The following SAMTOR variants were observed in gnomAD, a reference collection of about 807,000 sequenced individuals.
The protein encoded by SAMTOR is UPF0532 protein C7orf60.
At chr7:112,888,545 A>G in the SAMTOR span, among the ~76,000 whole-genome samples, 1 of 152,126 alleles carries the variant, frequency 6.6e-6, no homozygotes, top group South Asian at 2.1e-4. Context: ...CACATATTCA[A>G]AAAGTGCCAT....
chr7:112,868,760 C>A, the SAMTOR span, among the ~76,000 whole-genome samples: 1 of 152,204 alleles, frequency 6.6e-6, no homozygotes, highest in Non-Finnish European at 1.5e-5. Flanking sequence ...CAGCCAGAAT[C>A]AGGCAGTGAG....
At chr7:112,880,517 T>G in the SAMTOR span, among the ~76,000 whole-genome samples, 1 of 152,170 alleles carries the variant, frequency 6.6e-6, no homozygotes, top group Admixed American at 6.5e-5. Flanking sequence ...TTTTTAAGTC[T>G]AGAAAATCTA....
At chr7:112,860,994 A>T in the SAMTOR span, among the ~76,000 whole-genome samples, 1 of 152,070 alleles carries the variant, frequency 6.6e-6, no homozygotes, top group Admixed American at 6.5e-5. Flanking sequence ...AGTGAGGCAA[A>T]AAGTGACTAA....
chr7:112,863,488 G>T, the SAMTOR span, among the ~76,000 whole-genome samples: 1 of 152,204 alleles, frequency 6.6e-6, no homozygotes, highest in South Asian at 2.1e-4. Flanking sequence ...TCAACAGAGT[G>T]AACAGACAAC....
the SAMTOR span, among the ~76,000 whole-genome samples, chr7:112,845,585 CAG>C: frequency 6.6e-6 from 1 of 151,900 alleles, no homozygotes; most frequent in South Asian, 2.1e-4. Flanking sequence ...AAGTCAATAA[CAG>C]ATGCTGGTGA....
the SAMTOR span, among the ~76,000 whole-genome samples, chr7:112,918,675 C>T: frequency 6.6e-6 from 1 of 152,048 alleles, no homozygotes; most frequent in African/African-American, 2.4e-5. Context: ...GAGTCAAGAC[C>T]CATCAGTGTG....
At chr7:112,867,604 T>C in the SAMTOR span, among the ~76,000 whole-genome samples, 1 of 152,304 alleles carries the variant, frequency 6.6e-6, no homozygotes, top group South Asian at 2.1e-4. Flanking sequence ...CTTACTATAG[T>C]AATAGGATAG....
At chr7:112,925,611 TG>T in the SAMTOR span, among the ~76,000 whole-genome samples, 1 of 152,052 alleles carries the variant, frequency 6.6e-6, no homozygotes, top group Non-Finnish European at 1.5e-5. Context: ...CTGACAAACA[TG>T]GTAAAACCCT....
the SAMTOR span, among the ~76,000 whole-genome samples, chr7:112,919,144 C>T: frequency 6.6e-6 from 1 of 152,192 alleles, no homozygotes; most frequent in Non-Finnish European, 1.5e-5. Context: ...ACAGAATATA[C>T]ATTTTTTTCA....
At chr7:112,890,816 G>C in the SAMTOR span, among the ~76,000 whole-genome samples, 1 of 151,578 alleles carries the variant, frequency 6.6e-6, no homozygotes, top group Non-Finnish European at 1.5e-5. Context: ...TTAGCCTCCC[G>C]AGTAGCTAGG....
chr7:112,896,201 G>C, the SAMTOR span, among the ~76,000 whole-genome samples: 46 of 152,134 alleles, frequency 3.0e-4, no homozygotes, highest in South Asian at 9.3e-3. Flanking sequence ...GTGCACGCGC[G>C]CACGCGCGTG....
chr7:112,827,096 T>C, the SAMTOR span, among the ~76,000 whole-genome samples: 11 of 152,328 alleles, frequency 7.2e-5, no homozygotes, highest in East Asian at 2.1e-3. Context: ...AAATATACTT[T>C]GTCTAATTTT....
chr7:112,879,941 T>C, the SAMTOR span, among the ~76,000 whole-genome samples: 1 of 152,192 alleles, frequency 6.6e-6, no homozygotes, highest in South Asian at 2.1e-4. Context: ...TTAAATTAGA[T>C]TCAATTCTAG....
At chr7:112,909,749 ATAAGT>A in the SAMTOR span, among the ~76,000 whole-genome samples, 221 of 152,196 alleles carry the variant, frequency 1.5e-3, no homozygotes, top group Middle Eastern at 0.017. Flanking sequence ...TAAAAAACAG[ATAAGT>A]TAAGCAAAAA....
chr7:112,849,457 G>C, the SAMTOR span, among the ~76,000 whole-genome samples: 1 of 152,084 alleles, frequency 6.6e-6, no homozygotes, highest in African/African-American at 2.4e-5. Flanking sequence ...TGAAATGAGG[G>C]GGTAGAAGTA....
chr7:112,899,789 G>GAAAAAAAAAAAA, the SAMTOR span, among the ~76,000 whole-genome samples: 210 of 113,286 alleles, frequency 1.9e-3, no homozygotes, highest in African/African-American at 5.8e-3. Flanking sequence ...TGTGCTGAAG[G>GAAAAAAAAAAAA]AAAAAAAAAA....
the SAMTOR span, among the ~76,000 whole-genome samples, chr7:112,841,308 T>C: frequency 6.6e-6 from 1 of 151,958 alleles, no homozygotes; most frequent in African/African-American, 2.4e-5. Flanking sequence ...GAAAGCCAAA[T>C]CATGAGTGAA....
At chr7:112,857,404 CT>C in the SAMTOR span, among the ~76,000 whole-genome samples, 440 of 152,200 alleles carry the variant, frequency 2.9e-3, 4 homozygotes, top group African/African-American at 0.01. Context: ...TTCTTTTAAT[CT>C]TTACAGCACT....
At chr7:112,918,580 C>A in the SAMTOR span, among the ~76,000 whole-genome samples, 1 of 152,130 alleles carries the variant, frequency 6.6e-6, no homozygotes, top group Non-Finnish European at 1.5e-5. Context: ...ATGACGGGAT[C>A]AAATTCACAC....
Sources: allele counts gnomAD v4.1 joint callset (sites outside exome capture counted in the v4.1 genomes callset), GRCh38; gene constraint gnomAD v4.1.1; transcripts MANE v1.5; gene names NCBI Gene and HGNC (gene_info 2026-07-23, HGNC 2026-07-21).